Variants in TRIM5 observed in about 807,000 individuals in gnomAD.
TRIM5 encodes the protein tripartite motif-containing protein 5.
TRIM5 carries 31 observed loss-of-function variants against 35.6 expected under a neutral mutation model. The observed-to-expected ratio is 0.87, with a 90% CI of 0.65 to 1.18. The LOEUF (loss-of-function observed/expected upper bound fraction) is 1.18, where lower values mean the gene tolerates loss of function less well. TRIM5 is among the 50% of genes most tolerant of loss of function. The pLI is 0.00. For synonymous variants in TRIM5, 243 were observed against 215.6 expected, an observed-to-expected ratio of 1.13 and a Z score of -1.11; for missense variants, 609 against 591.6, an observed-to-expected ratio of 1.03 and a Z score of -0.31.
Position 5,679,760 on chromosome 11 carries a change from C to T in TRIM5, c.417+1G>A. On this transcript the variant is annotated splice_donor_variant, in intron 2 of 7. Coordinates refer to ENST00000380034, the MANE Select transcript of TRIM5 (RefSeq NM_033034.3). LOFTEE classifies it high-confidence loss of function. ...CTCTTCCTTCCATCCCAGTCTCTTA[C>T]TTGGTACTCCCGGGCAACCTCCTCT... is the stretch of plus-strand genomic sequence containing the variant. 1 of 1,579,304 alleles carries T rather than the reference C, an allele frequency of 6.3e-7. No individual in the cohort carries two copies. Among genetic ancestry groups the T allele is most frequent in the East Asian group, 2.2e-5 (1 of 44,532 alleles).
the TRIM5 span, among the ~76,000 whole-genome samples, chr11:5,651,735 GCTAAA>G: frequency 6.6e-6 from 1 of 152,172 alleles, no homozygotes; most frequent in Non-Finnish European, 1.5e-5. Flanking sequence ...TTCCACAGTG[GCTAAA>G]CTAATTTACA....
chr11:5,625,674 C>T, the TRIM5 span, among the ~76,000 whole-genome samples: 90,628 of 151,982 alleles, frequency 0.6, 27,436 homozygotes, highest in East Asian at 0.92. Context: ...ATGTGACTGC[C>T]GCACACCGCT....
the TRIM5 span, among the ~76,000 whole-genome samples, chr11:5,594,244 C>G: frequency 6.6e-6 from 1 of 152,112 alleles, no homozygotes; most frequent in Non-Finnish European, 1.5e-5. Flanking sequence ...ATAAAAACTG[C>G]CTTGGTTAGC....
At chr11:5,589,918 T>A in the TRIM5 span, 1 of 153,710 alleles carries the variant, frequency 6.5e-6, no homozygotes, top group Non-Finnish European at 1.4e-5. Flanking sequence ...GCGCGGCGCT[T>A]GCGGGCCAGC....
chr11:5,647,918 T>C, the TRIM5 span, among the ~76,000 whole-genome samples: 6 of 151,944 alleles, frequency 3.9e-5, no homozygotes, highest in Non-Finnish European at 5.9e-5. Context: ...CTAATACCAC[T>C]ATTGATCCAC....
At chr11:5,683,037 C>T (rs550857231) in intron 1 of TRIM5, among the ~76,000 whole-genome samples, 115 of 148,066 alleles carry the variant, frequency 7.8e-4, no homozygotes, top group African/African-American at 2.6e-3. Flanking sequence ...GCCCCGCACT[C>T]GGAGTGGCCG....
the TRIM5 span, chr11:5,610,742 G>A: frequency 0.059 from 94,558 of 1,605,002 alleles, 3,615 homozygotes; most frequent in East Asian, 0.12. Flanking sequence ...CCATGTCCCC[G>A]TTCTCATCTG....
At chr11:5,605,788 G>A in the TRIM5 span, among the ~76,000 whole-genome samples, 1 of 152,218 alleles carries the variant, frequency 6.6e-6, no homozygotes, top group Non-Finnish European at 1.5e-5. Context: ...TATTTATAAA[G>A]GGTTGTCTAA....
Position 5,679,497 on chromosome 11 carries a change from C to T in TRIM5, c.417+264G>A, listed in dbSNP as rs528509253. On this transcript the variant is annotated intron_variant, in intron 2 of 7. Transcript: ENST00000380034. ...GCTGAAAGGGGTAATCAGAGCTTTT[C>T]TTGGACACCAAATCTCTACCCATCT... Among the ~76,000 whole-genome samples the T allele has an allele frequency of 8.5e-5, 13 of 152,228 alleles. No individual in the cohort carries two copies. In the South Asian group the frequency reaches 2.3e-3, roughly 27 times the overall value.
chr11:5,640,617 G>A, the TRIM5 span, among the ~76,000 whole-genome samples: 1 of 151,924 alleles, frequency 6.6e-6, no homozygotes, highest in African/African-American at 2.4e-5. Flanking sequence ...TGATGTCTTT[G>A]GTTCTTTTAT....
the TRIM5 span, among the ~76,000 whole-genome samples, chr11:5,650,847 G>C: frequency 6.6e-6 from 1 of 152,186 alleles, no homozygotes; most frequent in Admixed American, 6.5e-5. Context: ...GAAAAAGATA[G>C]TAGGTATCTA....
chr11:5,677,502 G>C (rs905965425), intron 4 of TRIM5, among the ~76,000 whole-genome samples: 5 of 152,228 alleles, frequency 3.3e-5, no homozygotes, highest in Admixed American at 6.5e-5. Flanking sequence ...TTACACTGTT[G>C]GTGGGACTGT....
intron 4 of TRIM5, among the ~76,000 whole-genome samples, chr11:5,677,592 G>A (rs1852090028): frequency 6.6e-6 from 1 of 152,154 alleles, no homozygotes; most frequent in South Asian, 2.1e-4. Context: ...GTAGAGACGG[G>A]GTTTCACCGT....
At chr11:5,674,445 A>C (rs1307236720) in intron 4 of TRIM5, among the ~76,000 whole-genome samples, 5 of 152,226 alleles carry the variant, frequency 3.3e-5, no homozygotes, top group Admixed American at 1.3e-4. Flanking sequence ...CCCCTCTTAC[A>C]ACTCTAGGCA....
At chr11:5,660,012 T>G (rs1850760789), downstream of TRIM5, among the ~76,000 whole-genome samples, 1 of 152,160 alleles carries the variant, frequency 6.6e-6, no homozygotes, top group African/African-American at 2.4e-5. Flanking sequence ...AGTCTCGCTC[T>G]GTCGCCCAGG....
intron 1 of TRIM5, among the ~76,000 whole-genome samples, chr11:5,682,618 T>C (rs1474985318): frequency 6.6e-6 from 1 of 152,312 alleles, no homozygotes; most frequent in East Asian, 1.9e-4. Context: ...AGGGGGAAAT[T>C]AGACCCCCGA....
the TRIM5 span, chr11:5,634,824 A>G: frequency 6.2e-6 from 10 of 1,613,224 alleles, no homozygotes; most frequent in African/African-American, 1.2e-4. Flanking sequence ...TCAGATGTGG[A>G]GTGTCGGAGT....
chr11:5,647,872 G>A, the TRIM5 span, among the ~76,000 whole-genome samples: 1 of 152,084 alleles, frequency 6.6e-6, no homozygotes, highest in African/African-American at 2.4e-5. Context: ...ATGCAATGGT[G>A]ATGTCACGGG....
the TRIM5 span, among the ~76,000 whole-genome samples, chr11:5,628,015 T>C: frequency 6.6e-6 from 1 of 152,220 alleles, no homozygotes. Flanking sequence ...ACCTGGGAGT[T>C]CTGTCAGGCC....
Sources: gnomAD v4.1 joint callset for allele counts (sites outside exome capture counted in the v4.1 genomes callset) on GRCh38, gnomAD v4.1.1 for gene constraint, MANE v1.5 for transcripts, NCBI Gene and HGNC (gene_info 2026-07-23, HGNC 2026-07-21) for gene names.